Variants in PLA2G4A observed in about 807,000 individuals in gnomAD.
PLA2G4A encodes phospholipase A2 group IVA.
Under a neutral mutation model 81.9 loss-of-function variants are expected in PLA2G4A, and 40 were observed. The observed-to-expected ratio is 0.49, with a 90% confidence interval of 0.38 to 0.64. PLA2G4A has a LOEUF of 0.64. Among genes scored for constraint, PLA2G4A ranks in the 30% least tolerant of loss-of-function variants. The pLI is 0.00. For missense variants in PLA2G4A, 715 were observed against 905.1 expected, an observed-to-expected ratio of 0.79 and a Z score of 2.69; for synonymous variants, 302 against 296.9, an observed-to-expected ratio of 1.02 and a Z score of -0.18.
At chr1:186,935,531 T>C (rs182088883) in intron 8 of PLA2G4A, among the ~76,000 whole-genome samples, 2 of 150,846 alleles carry the variant, frequency 1.3e-5, no homozygotes, top group East Asian at 3.9e-4. Context: ...AAAAAGAAGA[T>C]AGAAGGTAAA....
Position 186,919,162 on chromosome 1 carries a change from G to GC in PLA2G4A, c.558+7778dup, listed in dbSNP as rs550071077. Reference sequence around the variant, plus strand: ...TTACAAAAGGCTTGCTGTTGTAGAGGCCCCCATTCAAAAGGCTCCCAATCG... The same window carrying GC: ...TTACAAAAGGCTTGCTGTTGTAGAGGCCCCCCATTCAAAAGGCTCCCAATCG... On this transcript the variant is annotated intron_variant, in intron 7 of 17. Coordinates refer to ENST00000367466, the MANE Select transcript of PLA2G4A (RefSeq NM_024420.3). 9.9e-5 allele frequency among the ~76,000 whole-genome samples: 15 copies of GC among 152,274 alleles called. No individual in the cohort carries two copies. The South Asian group carries it at 3.1e-3, about 32-fold the overall frequency.
At chr1:186,863,293 T>G (rs1249849113) in intron 2 of PLA2G4A, among the ~76,000 whole-genome samples, 7 of 152,352 alleles carry the variant, frequency 4.6e-5, no homozygotes, top group Admixed American at 1.3e-4. Flanking sequence ...TGGTTTTCAC[T>G]GCTAGAGCAA....
chr1:186,875,713 C>T (rs753590199), intron 3 of PLA2G4A, among the ~76,000 whole-genome samples: 5 of 152,040 alleles, frequency 3.3e-5, no homozygotes, highest in Admixed American at 1.3e-4. Context: ...TGTGATCCAT[C>T]TAAGAACCCA....
At chr1:186,870,367 A>T in intron 2 of PLA2G4A, 68 bp from the exon 3 acceptor site, 1 of 899,354 alleles carries the variant, frequency 1.1e-6, no homozygotes, top group Non-Finnish European at 1.9e-6. Flanking sequence ...ATTTTAAATT[A>T]ATCTCAAGGA....
intron 14 of PLA2G4A, among the ~76,000 whole-genome samples, chr1:186,964,321 A>G (rs1050486112): frequency 6.7e-6 from 1 of 150,292 alleles, no homozygotes; most frequent in Non-Finnish European, 1.5e-5. Context: ...GTGAATTAGG[A>G]GCACCACACA....
intron 7 of PLA2G4A, among the ~76,000 whole-genome samples, chr1:186,925,228 T>C (rs1655506263): frequency 6.6e-6 from 1 of 152,204 alleles, no homozygotes; most frequent in Admixed American, 6.5e-5. Context: ...AAACTTAGCC[T>C]ATCTAAATCT....
intron 15 of PLA2G4A, among the ~76,000 whole-genome samples, chr1:186,966,095 T>G (rs925190069): frequency 1.3e-4 from 16 of 126,368 alleles, no homozygotes; most frequent in African/African-American, 1.8e-4. Flanking sequence ...CAGACCAGAG[T>G]GGTTTGAGGG....
chr1:186,922,447 C>G (rs1385264666), intron 7 of PLA2G4A, among the ~76,000 whole-genome samples: 1 of 152,170 alleles, frequency 6.6e-6, no homozygotes, highest in Admixed American at 6.5e-5. Context: ...CCAGTTCCTT[C>G]CTGGTGTTCA....
Position 186,979,321 on chromosome 1 carries a change from C to T in PLA2G4A, c.1967C>T (p.Pro656Leu). ...TGACTCTTCTGGTATTTAGGTGTTC[C>T]AAGGGAAACTGAGGAAGAGAAAGAA... ...NFRKYRAPGV[P>L]RETEEEKEIA... The change falls in exon 17 of 18, where the codon CCA (proline) becomes CTA (leucine). Residue 656 changes from proline to leucine, a missense_variant. Pro to Leu is a moderately conservative substitution (Grantham distance 98). Transcript: ENST00000367466. 1 of 1,610,912 alleles carries T rather than the reference C, an allele frequency of 6.2e-7. No individual in the cohort carries two copies. The highest frequency in any genetic ancestry group is 8.5e-7 in the Non-Finnish European group (1 of 1,177,122).
At chr1:186,831,967 A>G (rs2101991802) in intron 1 of PLA2G4A, among the ~76,000 whole-genome samples, 1 of 152,084 alleles carries the variant, frequency 6.6e-6, no homozygotes, top group East Asian at 1.9e-4. Context: ...TTTTTTAATA[A>G]TCATGCATTA....
At chr1:186,975,496 C>A (rs1657499373) in intron 15 of PLA2G4A, among the ~76,000 whole-genome samples, 1 of 152,164 alleles carries the variant, frequency 6.6e-6, no homozygotes, top group African/African-American at 2.4e-5. Flanking sequence ...TTGTTTTCTT[C>A]TAATGTAAAC....
intron 13 of PLA2G4A, among the ~76,000 whole-genome samples, chr1:186,954,828 G>A (rs1242090234): frequency 6.6e-6 from 1 of 152,120 alleles, no homozygotes; most frequent in Non-Finnish European, 1.5e-5. Flanking sequence ...CTTTGATTTT[G>A]ATTATGAATA....
chr1:186,830,983 TTTCTTTCTTTCTTTC>T (rs1651555958), intron 1 of PLA2G4A, among the ~76,000 whole-genome samples: 1 of 139,778 alleles, frequency 7.2e-6, no homozygotes, highest in African/African-American at 2.5e-5. Flanking sequence ...TCTTTCTTTC[TTTCTTTCTTTCTTTC>T]TTTCTTTCTT....
chr1:186,913,539 T>C (rs1167047360), intron 7 of PLA2G4A, among the ~76,000 whole-genome samples: 2 of 152,148 alleles, frequency 1.3e-5, no homozygotes, highest in African/African-American at 4.8e-5. Flanking sequence ...ATGAAGTTTC[T>C]TGTTAGTGAC....
At chr1:186,934,463 T>TATAC (rs368585350) in intron 8 of PLA2G4A, among the ~76,000 whole-genome samples, 18 of 143,480 alleles carry the variant, frequency 1.3e-4, no homozygotes, top group Non-Finnish European at 6.1e-5. Context: ...TATATATATA[T>TATAC]ACATACACAG....
chr1:186,937,248 G>A (rs942310163), intron 8 of PLA2G4A, among the ~76,000 whole-genome samples: 8 of 85,164 alleles, frequency 9.4e-5, no homozygotes, highest in Non-Finnish European at 1.8e-4. Context: ...TTCATGAGAC[G>A]GGAAAAGAGA....
rs1656164299 is a variant in PLA2G4A at position 186,941,779 on chromosome 1, G to A, written c.1033+1685G>A. 4.6e-5 allele frequency among the ~76,000 whole-genome samples: 7 copies of A among 152,184 alleles called. No individual in the cohort carries two copies. The South Asian group carries it at 1.5e-3, about 32-fold the overall frequency. On this transcript the variant is annotated intron_variant, in intron 10 of 17. Transcript: ENST00000367466. ...CCTATAAGACCTTATAGTCTGTTTG[G>A]AAAATTTACAATAATTATTAAAGAA...
chr1:186,876,125 T>C (rs1653487143), intron 3 of PLA2G4A, among the ~76,000 whole-genome samples: 1 of 152,084 alleles, frequency 6.6e-6, no homozygotes, highest in African/African-American at 2.4e-5. Context: ...CTAGGATGAG[T>C]CAGCAACAGT....
chr1:186,860,202 ATATTAATT>A (rs1307859265), intron 2 of PLA2G4A, among the ~76,000 whole-genome samples: 4 of 152,092 alleles, frequency 2.6e-5, no homozygotes, highest in Non-Finnish European at 5.9e-5. Flanking sequence ...CAAACAGGAG[ATATTAATT>A]TATTAATTTA....
Sources: allele counts gnomAD v4.1 joint callset (sites outside exome capture counted in the v4.1 genomes callset), GRCh38; gene constraint gnomAD v4.1.1; transcripts MANE v1.5; gene names NCBI Gene and HGNC (gene_info 2026-07-23, HGNC 2026-07-21).